MYG1: variants seen among roughly 807,000 people sequenced by gnomAD.
The protein encoded by MYG1 is MYG1 exonuclease, also known as UPF0160 protein MYG1, mitochondrial.
A neutral mutation model predicts 43.5 loss-of-function variants in MYG1; 36 were observed. The ratio of observed to expected loss-of-function variants is 0.83; its 90% CI spans 0.63 to 1.09. The LOEUF (loss-of-function observed/expected upper bound fraction) is 1.09. MYG1 is among the 50% of genes least tolerant of loss of function. The pLI is 0.00. For synonymous variants in MYG1, 220 were observed against 202.8 expected, an observed-to-expected ratio of 1.08 and a Z score of -0.72; for missense variants, 529 against 495.1, an observed-to-expected ratio of 1.07 and a Z score of -0.65.
chr12:53,305,235 T>C (rs1944264546), intron 3 of MYG1, among the ~76,000 whole-genome samples: 1 of 152,174 alleles, frequency 6.6e-6, no homozygotes, highest in Admixed American at 6.5e-5. Context: ...TAGGAGTTAC[T>C]TTCTCAGTGC....
At chr12:53,303,608 T>G (rs1177655450) in intron 3 of MYG1, 1 of 158,236 alleles carries the variant, frequency 6.3e-6, no homozygotes, top group Non-Finnish European at 1.4e-5. Flanking sequence ...AGTTCACTAG[T>G]GGCACATAAA....
At chr12:53,306,492 C>A in intron 5 of MYG1, 172 bp downstream of exon 5, 1 of 1,075,926 alleles carries the variant, frequency 9.3e-7, no homozygotes, top group Non-Finnish European at 1.3e-6. Flanking sequence ...TACAGGCACA[C>A]ACCACCTCAC....
chr12:53,305,248 TGA>T (rs1392428341), intron 3 of MYG1, among the ~76,000 whole-genome samples: 3 of 152,196 alleles, frequency 2.0e-5, no homozygotes, highest in Non-Finnish European at 4.4e-5. Flanking sequence ...CTCAGTGCTC[TGA>T]GAGTAGCACT....
At chr12:53,303,467 GACAC>G in intron 3 of MYG1, 1 of 367,708 alleles carries the variant, frequency 2.7e-6, no homozygotes, top group Non-Finnish European at 5.0e-6. Flanking sequence ...TCTTTTTATT[GACAC>G]ACACAAACAG....
chr12:53,304,222 C>G (rs2121064374), intron 3 of MYG1, among the ~76,000 whole-genome samples: 1 of 152,242 alleles, frequency 6.6e-6, no homozygotes, highest in East Asian at 1.9e-4. Flanking sequence ...TTTTAGACTG[C>G]CTGGGTCAGT....
rs779089961 is a variant in MYG1 at position 53,306,282 on chromosome 12, C to G, written c.727C>G (p.Arg243Gly). Residue 243 changes from arginine (R) to glycine (G), a missense_variant, in exon 5 of 7, where the codon CGG becomes GGG. Arg to Gly is a moderately radical substitution (Grantham distance 125). Coordinates refer to ENST00000267103, the MANE Select transcript of MYG1 (RefSeq NM_021640.4). ...DFYQHSWLPA[R>G]ALVEEALAQR... is the part of the protein sequence containing the mutation. ...CTACCAACACAGCTGGCTGCCAGCC[C>G]GGGCCTTGGTGGAAGAGGCCCTTGC... The G allele has an allele frequency of 6.2e-7, 1 of 1,614,112 alleles. No individual in the cohort carries two copies. Among genetic ancestry groups the G allele is most frequent in the African/African-American group, 1.3e-5 (1 of 74,946 alleles).
At chr12:53,299,986 G>C (rs375146043) in intron 1 of MYG1, 33 bp downstream of exon 1, 13 of 1,610,454 alleles carry the variant, frequency 8.1e-6, no homozygotes, top group Middle Eastern at 1.6e-4. Flanking sequence ...CTGGGACTGC[G>C]TGCATGCATG....
chr12:53,300,045 C>T (rs1325722102), intron 1 of MYG1, 92 bp downstream of exon 1: 3 of 1,551,260 alleles, frequency 1.9e-6, no homozygotes, highest in South Asian at 1.2e-5. Context: ...CGATAGCGCC[C>T]GGCAGCCCAA....
At chr12:53,300,322 AT>A in intron 2 of MYG1, 60 bp downstream of exon 2, 10 of 1,309,694 alleles carry the variant, frequency 7.6e-6, no homozygotes, top group Non-Finnish European at 1.0e-5. Context: ...CTGTGCTCCA[AT>A]TCAGCCATCC....
chr12:53,306,653 C>T, intron 5 of MYG1, 27 bp from the exon 6 acceptor site: 1 of 1,600,176 alleles, frequency 6.2e-7, no homozygotes, highest in Non-Finnish European at 8.5e-7. Flanking sequence ...TACCTTAAAC[C>T]TTCTAGCTAT....
At chr12:53,306,136 C>A (rs1202838642) in intron 4 of MYG1, 62 bp from the exon 5 acceptor site, 20 of 1,612,396 alleles carry the variant, frequency 1.2e-5, no homozygotes. Context: ...TTTGCTCCTC[C>A]TAAGCCCTAG....
intron 1 of MYG1, 29 bp downstream of exon 1, chr12:53,299,982 C>G: frequency 1.2e-6 from 2 of 1,612,388 alleles, no homozygotes; most frequent in Non-Finnish European, 1.7e-6. Flanking sequence ...GACCCTGGGA[C>G]TGCGTGCATG....
At chr12:53,304,861 GTTTTTTTTTTT>G (rs71068106) in intron 3 of MYG1, among the ~76,000 whole-genome samples, 1 of 78,224 alleles carries the variant, frequency 1.3e-5, no homozygotes, top group African/African-American at 4.7e-5. Flanking sequence ...CTAAACCCAT[GTTTTTTTTTTT>G]TTTTTTTTTT....
intron 2 of MYG1, among the ~76,000 whole-genome samples, chr12:53,300,922 C>CTT (rs555046857): frequency 4.6e-4 from 65 of 140,396 alleles, no homozygotes; most frequent in Non-Finnish European, 5.3e-4. Context: ...TTTTTCTTTT[C>CTT]TTTTTTTTTT....
Position 53,306,875 on chromosome 12 carries a change from G to A in MYG1, c.947+14G>A. ...ATTCCAAAGCCGGTGAGGCCCTAGG[G>A]AACCACTCTGCAGACCTTCAGGCTT... On this transcript the variant is annotated intron_variant, in intron 6 of 6. Coordinates refer to ENST00000267103, the MANE Select transcript of MYG1 (RefSeq NM_021640.4). 5.6e-6 allele frequency: 9 copies of A among 1,610,868 alleles called. No homozygotes were observed. Among genetic ancestry groups the A allele is most frequent in the Non-Finnish European group, 7.6e-6 (9 of 1,178,138 alleles).
intron 2 of MYG1, among the ~76,000 whole-genome samples, chr12:53,301,554 C>T (rs750293619): frequency 9.2e-5 from 14 of 152,164 alleles, no homozygotes; most frequent in Non-Finnish European, 1.6e-4. Context: ...CCAGTTCATT[C>T]CCCTCAAGCC....
chr12:53,300,125 C>G, intron 1 of MYG1, 25 bp from the exon 2 acceptor site: 1 of 1,573,384 alleles, frequency 6.4e-7, no homozygotes, highest in Non-Finnish European at 8.7e-7. Context: ...ACCCGGCAGC[C>G]CCTTCACCCC....
Position 53,299,930 on chromosome 12 carries a change from C to G in MYG1, c.193C>G (p.Leu65Val). The G allele has an allele frequency of 6.2e-7, 1 of 1,614,232 alleles. No homozygotes were observed. The highest frequency in any genetic ancestry group is 1.1e-5 in the South Asian group (1 of 91,088). Residue 65 changes from leucine to valine, a missense_variant, in exon 1 of 7, where the codon CTT becomes GTT. Physicochemically the swap from Leu to Val is conservative, Grantham distance 32. Transcript: ENST00000267103. ...HCDEALACAL[L>V]RLLPEYRDAE... Reference sequence around the variant, plus strand: ...CGACGAGGCACTGGCATGCGCACTGCTTCGCCTCCTGCCGGAGTACCGGGT... The same window carrying G: ...CGACGAGGCACTGGCATGCGCACTGGTTCGCCTCCTGCCGGAGTACCGGGT...
rs1263509491 is a variant in MYG1, at chr12:53,299,723, T to G, written c.-15T>G. The G allele has an allele frequency of 4.4e-6, 7 of 1,604,890 alleles. No individual in the cohort carries two copies. Among genetic ancestry groups the G allele is most frequent in the Non-Finnish European group, 6.0e-6 (7 of 1,175,572 alleles). On this transcript the variant is annotated 5_prime_UTR_variant, in exon 1 of 7. Coordinates refer to ENST00000267103, the MANE Select transcript of MYG1 (RefSeq NM_021640.4). ...TTCCGGGTCGGCGCTCCTGCCTCCC[T>G]GCAGGGAGCTGCTTATGGGACACCA...
Sources: allele counts gnomAD v4.1 joint callset (sites outside exome capture counted in the v4.1 genomes callset), GRCh38; gene constraint gnomAD v4.1.1; transcripts MANE v1.5; gene names NCBI Gene and HGNC (gene_info 2026-07-23, HGNC 2026-07-21).